The following RALYL variants were observed in gnomAD, a reference collection of about 807,000 sequenced individuals.
RALYL encodes RNA-binding Raly-like protein.
Under a neutral mutation model 35.1 loss-of-function variants are expected in RALYL, and 29 were observed. The ratio of observed to expected loss-of-function variants is 0.83; its 90% confidence interval spans 0.61 to 1.13. The LOEUF is 1.13. RALYL is among the 50% of genes most tolerant of loss of function. RALYL has a pLI of 0.00. For missense variants in RALYL, 359 were observed against 360.4 expected (o/e 1.00, Z 0.03); for synonymous variants, 120 against 127.6 (o/e 0.94, Z 0.40).
intron 3 of RALYL, among the ~76,000 whole-genome samples, chr8:84,782,031 G>GCACACACACACACACACA (rs35098202): frequency 6.7e-6 from 1 of 148,550 alleles, no homozygotes; most frequent in Non-Finnish European, 1.5e-5. Flanking sequence ...GCACACGCGC[G>GCACACACACACACACACA]CACACACACA....
chr8:84,210,401 A>T (rs564791255), intron 1 of RALYL, among the ~76,000 whole-genome samples: 24 of 151,238 alleles, frequency 1.6e-4, no homozygotes, highest in Admixed American at 6.6e-5. Flanking sequence ...GCAACTCCTT[A>T]TATCACCACA....
At chr8:84,893,614 G>A (rs1410322996) in intron 8 of RALYL, among the ~76,000 whole-genome samples, 1 of 152,174 alleles carries the variant, frequency 6.6e-6, no homozygotes, top group African/African-American at 2.4e-5. Context: ...CTAATCCAGT[G>A]TTTTCCAAAG....
At chr8:84,552,356 ATATTT>A (rs1257215004) in intron 2 of RALYL, among the ~76,000 whole-genome samples, 49 of 49,610 alleles carry the variant, frequency 9.9e-4, no homozygotes, top group African/African-American at 3.0e-3. Flanking sequence ...ATATATATAT[ATATTT>A]TTTTTTTTTT....
intron 4 of RALYL, among the ~76,000 whole-genome samples, chr8:84,831,117 C>T (rs1830833126): frequency 6.6e-6 from 1 of 151,720 alleles, no homozygotes; most frequent in Non-Finnish European, 1.5e-5. Flanking sequence ...TAAATAATAG[C>T]CATTACCAAA....
intron 2 of RALYL, among the ~76,000 whole-genome samples, chr8:84,722,355 G>A (rs1312684930): frequency 1.3e-5 from 2 of 151,840 alleles, no homozygotes; most frequent in Non-Finnish European, 2.9e-5. Flanking sequence ...TTGTATGGTT[G>A]ATAAATTCAT....
intron 4 of RALYL, among the ~76,000 whole-genome samples, chr8:84,812,038 G>T (rs971769024): frequency 1.4e-4 from 21 of 152,154 alleles, no homozygotes; most frequent in Non-Finnish European, 2.9e-4. Flanking sequence ...TCCATTGCTG[G>T]TGAACTAGTG....
intron 2 of RALYL, among the ~76,000 whole-genome samples, chr8:84,694,087 A>T (rs1838644915): frequency 6.6e-6 from 1 of 152,050 alleles, no homozygotes; most frequent in South Asian, 2.1e-4. Flanking sequence ...TCTATGCAAC[A>T]TAGCACTGGA....
At chr8:84,607,947 G>A (rs1564226388) in intron 2 of RALYL, among the ~76,000 whole-genome samples, 1 of 150,642 alleles carries the variant, frequency 6.6e-6, no homozygotes, top group Non-Finnish European at 1.5e-5. Context: ...AGCTTCAACA[G>A]ACATGTAAGT....
intron 2 of RALYL, among the ~76,000 whole-genome samples, chr8:84,702,806 A>G (rs1373272882): frequency 6.6e-6 from 1 of 152,156 alleles, no homozygotes; most frequent in Admixed American, 6.6e-5. Context: ...ATGAGAATTA[A>G]TTTATCCCAA....
intron 1 of RALYL, among the ~76,000 whole-genome samples, chr8:84,388,316 T>A (rs1859732397): frequency 6.6e-6 from 1 of 152,166 alleles, no homozygotes; most frequent in Admixed American, 6.6e-5. Context: ...TGTGCATGTG[T>A]CTTTATAGCA....
intron 2 of RALYL, among the ~76,000 whole-genome samples, chr8:84,641,842 G>C (rs992095894): frequency 6.7e-6 from 1 of 149,680 alleles, no homozygotes; most frequent in African/African-American, 2.4e-5. Context: ...GTTTTTGGCT[G>C]GGTCTCACAA....
At chr8:84,672,202 C>A (rs1042429611) in intron 2 of RALYL, among the ~76,000 whole-genome samples, 2 of 152,172 alleles carry the variant, frequency 1.3e-5, no homozygotes, top group South Asian at 2.1e-4. Flanking sequence ...TAAAGCATAA[C>A]AGGAGTCACT....
chr8:84,395,484 T>C (rs778999693), intron 1 of RALYL, among the ~76,000 whole-genome samples: 1 of 151,944 alleles, frequency 6.6e-6, no homozygotes, highest in South Asian at 2.1e-4. Flanking sequence ...GAGTGCTGAT[T>C]TGATTAGTTC....
chr8:84,651,102 A>G (rs1828708879), intron 2 of RALYL, among the ~76,000 whole-genome samples: 1 of 152,028 alleles, frequency 6.6e-6, no homozygotes, highest in Non-Finnish European at 1.5e-5. Context: ...GGATAGCTTT[A>G]GGAGATATAC....
chr8:84,848,589 T>C (rs1029901923), intron 4 of RALYL, among the ~76,000 whole-genome samples: 5 of 152,126 alleles, frequency 3.3e-5, no homozygotes, highest in Non-Finnish European at 7.4e-5. Flanking sequence ...ATTGTATGAC[T>C]ATATGATTGT....
At chr8:84,361,639 C>G (rs551653851) in intron 1 of RALYL, among the ~76,000 whole-genome samples, 41 of 152,140 alleles carry the variant, frequency 2.7e-4, no homozygotes, top group African/African-American at 9.4e-4. Flanking sequence ...AAATGGAAAG[C>G]AGAAGCAGGT....
chr8:84,303,182 TAGC>T (rs770159606), intron 1 of RALYL, among the ~76,000 whole-genome samples: 19 of 152,174 alleles, frequency 1.2e-4, no homozygotes, highest in Non-Finnish European at 2.6e-4. Flanking sequence ...TCTTTGTAAA[TAGC>T]AGAGCATCTG....
intron 1 of RALYL, among the ~76,000 whole-genome samples, chr8:84,312,040 A>G (rs1842914967): frequency 6.6e-6 from 1 of 152,198 alleles, no homozygotes; most frequent in Non-Finnish European, 1.5e-5. Context: ...ACAATTCTGC[A>G]TGGCTGGGGG....
At chr8:84,503,181 T>C (rs2056854349) in intron 1 of RALYL, among the ~76,000 whole-genome samples, 1 of 152,054 alleles carries the variant, frequency 6.6e-6, no homozygotes, top group Non-Finnish European at 1.5e-5. Flanking sequence ...AGGATCTAGC[T>C]GTGTTACCCA....
Sources: allele counts gnomAD v4.1 joint callset (sites outside exome capture counted in the v4.1 genomes callset), GRCh38; gene constraint gnomAD v4.1.1; transcripts MANE v1.5; gene names NCBI Gene and HGNC (gene_info 2026-07-23, HGNC 2026-07-21).